The following PAFAH1B1 variants were observed in gnomAD, a reference collection of about 807,000 sequenced individuals.
PAFAH1B1 encodes the protein platelet activating factor acetylhydrolase 1b regulatory subunit 1.
Under a neutral mutation model 57.5 loss-of-function variants are expected in PAFAH1B1, and 2 were observed. That is an observed-to-expected ratio of 0.03 (90% CI 0.01 to 0.11). The LOEUF is 0.11. PAFAH1B1 is among the 10% of genes least tolerant of loss of function. The probability of loss-of-function intolerance (pLI) is 1.00; values close to 1 mark genes in which losing one functional copy is unlikely to be tolerated. For synonymous variants in PAFAH1B1, 152 were observed against 169.6 expected (o/e 0.90, Z 0.81); for missense variants, 257 against 512.0 (o/e 0.50, Z 4.81).
intron 8 of PAFAH1B1, among the ~76,000 whole-genome samples, chr17:2,675,448 T>C (rs1192529574): frequency 1.3e-5 from 2 of 152,216 alleles, no homozygotes; most frequent in African/African-American, 4.8e-5. Context: ...TTTATTTTGA[T>C]TGGCCCATTG....
chr17:2,606,230 C>A (rs191872740), intron 1 of PAFAH1B1, among the ~76,000 whole-genome samples: 20 of 152,262 alleles, frequency 1.3e-4, no homozygotes, highest in South Asian at 8.3e-4. Flanking sequence ...CTCCAAAATT[C>A]TTCACAGGAG....
chr17:2,627,316 C>T (rs1410470578), intron 1 of PAFAH1B1, among the ~76,000 whole-genome samples: 1 of 152,096 alleles, frequency 6.6e-6, no homozygotes, highest in Non-Finnish European at 1.5e-5. Flanking sequence ...TGTGGCTAGC[C>T]AGTTATCTCA....
chr17:2,626,552 T>TCCC (rs1567534696), intron 1 of PAFAH1B1, among the ~76,000 whole-genome samples: 1 of 48,572 alleles, frequency 2.1e-5, no homozygotes, highest in Non-Finnish European at 3.9e-5. Flanking sequence ...ATCACCTTTC[T>TCCC]TCCCCCCCCC....
intron 2 of PAFAH1B1, among the ~76,000 whole-genome samples, chr17:2,647,537 A>C (rs2068784841): frequency 6.6e-6 from 1 of 152,132 alleles, no homozygotes; most frequent in Admixed American, 6.6e-5. Flanking sequence ...ACCCTGTCTC[A>C]AAAAGGAAAA....
At chr17:2,645,790 G>C (rs1005341337) in intron 2 of PAFAH1B1, among the ~76,000 whole-genome samples, 1 of 149,700 alleles carries the variant, frequency 6.7e-6, no homozygotes, top group Non-Finnish European at 1.5e-5. Flanking sequence ...ATTTTTAGTA[G>C]AGACGGGGTT....
chr17:2,636,980 C>T lies in PAFAH1B1; in HGVS notation c.-190-1119C>T, dbSNP rs1232422671. 4.6e-5 allele frequency among the ~76,000 whole-genome samples: 7 copies of T among 152,208 alleles called. No homozygotes were observed. The South Asian group carries it at 1.5e-3, about 32-fold the overall frequency. On this transcript the variant is annotated intron_variant, in intron 1 of 10. Coordinates refer to ENST00000397195, the MANE Select transcript of PAFAH1B1 (RefSeq NM_000430.4). ...AAGTGATCCTCTTGCCTTAACCTCC[C>T]AAAGTACTAGGATTAATTACATATG...
chr17:2,603,237 A>C (rs2068166131), intron 1 of PAFAH1B1, among the ~76,000 whole-genome samples: 1 of 152,154 alleles, frequency 6.6e-6, no homozygotes, highest in African/African-American at 2.4e-5. Context: ...CAACTCTGCA[A>C]ATCCTGGGCT....
chr17:2,665,001 A>G (rs1462651763), intron 2 of PAFAH1B1, among the ~76,000 whole-genome samples: 1 of 152,186 alleles, frequency 6.6e-6, no homozygotes, highest in Admixed American at 6.6e-5. Flanking sequence ...TGGTAAAGAA[A>G]GACTAAATGT....
intron 1 of PAFAH1B1, among the ~76,000 whole-genome samples, chr17:2,625,795 A>G (rs2068482133): frequency 6.6e-6 from 1 of 152,046 alleles, no homozygotes. Flanking sequence ...AAAATTAGCT[A>G]GGCATGGTGG....
chr17:2,628,121 A>G (rs556688751), intron 1 of PAFAH1B1, among the ~76,000 whole-genome samples: 59 of 152,274 alleles, frequency 3.9e-4, no homozygotes, highest in Non-Finnish European at 7.1e-4. Context: ...TATGTTGAAG[A>G]GGAGCGGTGA....
chr17:2,671,448 C>A (rs1382128183), intron 6 of PAFAH1B1, among the ~76,000 whole-genome samples: 1 of 151,956 alleles, frequency 6.6e-6, no homozygotes, highest in African/African-American at 2.4e-5. Context: ...ACCTCCTGAT[C>A]TGCCTCAGCC....
At chr17:2,614,102 T>C (rs566962627) in intron 1 of PAFAH1B1, among the ~76,000 whole-genome samples, 2 of 142,824 alleles carry the variant, frequency 1.4e-5, no homozygotes, top group East Asian at 4.4e-4. Flanking sequence ...CACAGTTCAC[T>C]GCTGCAGCCT....
intron 1 of PAFAH1B1, among the ~76,000 whole-genome samples, chr17:2,605,638 C>G (rs1419331034): frequency 6.6e-6 from 1 of 152,150 alleles, no homozygotes. Context: ...ACTTACGCTT[C>G]AAATCTGCCT....
intron 9 of PAFAH1B1, among the ~76,000 whole-genome samples, chr17:2,677,860 T>A (rs1280722536): frequency 6.7e-6 from 1 of 150,338 alleles, no homozygotes; most frequent in Non-Finnish European, 1.5e-5. Flanking sequence ...CCTCAAAAAA[T>A]AAATAAATAA....
chr17:2,631,881 CCTT>C (rs766326348), intron 1 of PAFAH1B1, among the ~76,000 whole-genome samples: 4 of 152,132 alleles, frequency 2.6e-5, no homozygotes, highest in Admixed American at 6.6e-5. Context: ...TAATTCCTCT[CCTT>C]CTGATTTTTT....
intron 1 of PAFAH1B1, among the ~76,000 whole-genome samples, chr17:2,626,374 T>C (rs918147732): frequency 6.6e-6 from 1 of 152,182 alleles, no homozygotes; most frequent in African/African-American, 2.4e-5. Context: ...AATCATATAC[T>C]TGTGCTTTCT....
chr17:2,649,138 A>C (rs2068814348), intron 2 of PAFAH1B1, among the ~76,000 whole-genome samples: 1 of 136,246 alleles, frequency 7.3e-6, no homozygotes, highest in Non-Finnish European at 1.7e-5. Context: ...GATTGCTTGA[A>C]ACTGGGAGGC....
chr17:2,651,432 AAATT>A (rs2068848259), intron 2 of PAFAH1B1, among the ~76,000 whole-genome samples: 1 of 151,368 alleles, frequency 6.6e-6, no homozygotes. Flanking sequence ...AAAAAAAAAA[AAATT>A]AGCTGGGCAT....
At chr17:2,608,167 C>T (rs929124358) in intron 1 of PAFAH1B1, among the ~76,000 whole-genome samples, 2 of 152,054 alleles carry the variant, frequency 1.3e-5, no homozygotes, top group East Asian at 3.9e-4. Flanking sequence ...TCACTGCAAC[C>T]TCCACCTCCC....
Sources: allele counts gnomAD v4.1 joint callset (sites outside exome capture counted in the v4.1 genomes callset), GRCh38; gene constraint gnomAD v4.1.1; transcripts MANE v1.5; gene names NCBI Gene and HGNC (gene_info 2026-07-23, HGNC 2026-07-21).